The following MAPKAP1 variants were observed in gnomAD, a reference collection of about 807,000 sequenced individuals.
MAPKAP1 encodes the protein target of rapamycin complex 2 subunit MAPKAP1.
Under a neutral mutation model 65.7 loss-of-function variants are expected in MAPKAP1, and 20 were observed. The observed-to-expected ratio is 0.30, with a 90% CI of 0.21 to 0.44. The LOEUF (loss-of-function observed/expected upper bound fraction) is 0.44, where lower values mean the gene tolerates loss of function less well. Among genes scored for constraint, MAPKAP1 ranks in the 20% least tolerant of loss-of-function variants. The pLI is 1.00. For missense variants in MAPKAP1, 423 were observed against 648.0 expected, an observed-to-expected ratio of 0.65 and a Z score of 3.77; for synonymous variants, 222 against 244.3, an observed-to-expected ratio of 0.91 and a Z score of 0.85.
chr9:125,461,679 A>G (rs1035914972), intron 10 of MAPKAP1, among the ~76,000 whole-genome samples: 1 of 152,230 alleles, frequency 6.6e-6, no homozygotes, highest in Non-Finnish European at 1.5e-5. Flanking sequence ...TGGGGCATTA[A>G]TATGTGAGAG....
chr9:125,625,787 T>C (rs569980209), intron 4 of MAPKAP1, among the ~76,000 whole-genome samples: 2 of 152,152 alleles, frequency 1.3e-5, no homozygotes, highest in Non-Finnish European at 2.9e-5. Context: ...AGAGTGAGAC[T>C]CCATCTCAAA....
At chr9:125,472,046 C>T (rs1853944746) in intron 9 of MAPKAP1, 4 of 152,240 alleles carry the variant, frequency 2.6e-5, no homozygotes, top group Admixed American at 1.3e-4. Flanking sequence ...AACAGAAACA[C>T]AGTGAGGTCA....
chr9:125,446,387 C>T (rs1237241427), intron 10 of MAPKAP1, among the ~76,000 whole-genome samples: 1 of 152,134 alleles, frequency 6.6e-6, no homozygotes, highest in Non-Finnish European at 1.5e-5. Flanking sequence ...GTGAGAATTC[C>T]TGACTGGAAG....
intron 4 of MAPKAP1, among the ~76,000 whole-genome samples, chr9:125,613,434 G>A (rs1258847606): frequency 6.6e-6 from 1 of 152,202 alleles, no homozygotes; most frequent in Admixed American, 6.5e-5. Flanking sequence ...AGAATCCAAT[G>A]ATAGGTTAGA....
chr9:125,625,251 TAAATAAAAAAAAAAA>T (rs1247483995), intron 4 of MAPKAP1, among the ~76,000 whole-genome samples: 4 of 10,468 alleles, frequency 3.8e-4, no homozygotes, highest in African/African-American at 9.3e-4. Flanking sequence ...AAAAAATAAA[TAAATAAAAAAAAAAA>T]AAAAAAAAAA....
intron 4 of MAPKAP1, among the ~76,000 whole-genome samples, chr9:125,590,977 T>C (rs980417219): frequency 6.6e-6 from 1 of 152,172 alleles, no homozygotes; most frequent in African/African-American, 2.4e-5. Flanking sequence ...TTTTGCCATG[T>C]TGGCCAGGCT....
chr9:125,508,458 C>T (rs1829208333), intron 7 of MAPKAP1, among the ~76,000 whole-genome samples: 1 of 152,184 alleles, frequency 6.6e-6, no homozygotes, highest in Non-Finnish European at 1.5e-5. Context: ...CTGACTGTTC[C>T]TATCTCCAAA....
At chr9:125,677,493 C>G (rs1321137808) in intron 1 of MAPKAP1, among the ~76,000 whole-genome samples, 1 of 151,950 alleles carries the variant, frequency 6.6e-6, no homozygotes, top group Non-Finnish European at 1.5e-5. Context: ...GTCAGGAGTT[C>G]GAGACTAGCC....
intron 7 of MAPKAP1, among the ~76,000 whole-genome samples, chr9:125,533,702 G>A (rs900782720): frequency 6.6e-6 from 1 of 152,182 alleles, no homozygotes; most frequent in Admixed American, 6.5e-5. Flanking sequence ...GTCTGCCTTA[G>A]CCTCTCAAAG....
intron 8 of MAPKAP1, among the ~76,000 whole-genome samples, chr9:125,496,232 G>A (rs887277848): frequency 3.3e-5 from 5 of 152,112 alleles, no homozygotes; most frequent in African/African-American, 1.2e-4. Flanking sequence ...GGTATGTGGC[G>A]AATAATGTTT....
At position 125,595,697 on chromosome 9, in the gene MAPKAP1, G is replaced by C; in HGVS notation, c.499-9970C>G. The C allele has an allele frequency of 6.4e-7, 1 of 1,555,476 alleles. No individual in the cohort carries two copies. Among genetic ancestry groups the C allele is most frequent in the Non-Finnish European group, 8.7e-7 (1 of 1,155,422 alleles). On this transcript the variant is annotated intron_variant, in intron 4 of 11. Transcript: ENST00000265960. The surrounding 1 kb of genome is among the most constrained non-coding windows in gnomAD (Gnocchi z 4.0). The stretch of plus-strand genomic sequence containing the variant: ...TAAGTCAGAGTCTCCTAAAGAGCCG[G>C]AACAGCTAAGGAATCTCTTCATTGG...
chr9:125,513,545 A>G (rs1365151325), intron 7 of MAPKAP1, among the ~76,000 whole-genome samples: 4 of 152,244 alleles, frequency 2.6e-5, no homozygotes, highest in Non-Finnish European at 5.9e-5. Context: ...CCAGCTATGC[A>G]TCCTTGGGAA....
intron 5 of MAPKAP1, among the ~76,000 whole-genome samples, chr9:125,566,552 A>G (rs1831058446): frequency 6.8e-6 from 1 of 147,490 alleles, no homozygotes; most frequent in Non-Finnish European, 1.5e-5. Flanking sequence ...ACAGAGTGAG[A>G]CACTGTCTTG....
intron 4 of MAPKAP1, chr9:125,650,224 C>T (rs1166398520): frequency 6.6e-6 from 1 of 152,234 alleles, no homozygotes; most frequent in Non-Finnish European, 1.5e-5. Flanking sequence ...TCCTCACAAA[C>T]CCTTCTCAGG....
intron 1 of MAPKAP1, among the ~76,000 whole-genome samples, chr9:125,697,040 C>A (rs1835407677): frequency 1.3e-5 from 2 of 152,172 alleles, no homozygotes; most frequent in Non-Finnish European, 1.5e-5. Flanking sequence ...CCTGTGGCCA[C>A]TGAAGAGGTG....
chr9:125,464,609 T>C (rs1350713551), intron 10 of MAPKAP1, among the ~76,000 whole-genome samples: 1 of 152,192 alleles, frequency 6.6e-6, no homozygotes, highest in Non-Finnish European at 1.5e-5. Flanking sequence ...GTTCAAGTCC[T>C]TAAACACTCA....
chr9:125,654,266 A>G (rs572882962), intron 4 of MAPKAP1, among the ~76,000 whole-genome samples: 1 of 152,204 alleles, frequency 6.6e-6, no homozygotes, highest in South Asian at 2.1e-4. Flanking sequence ...AATTGTCTCA[A>G]CCTCTAGAAT....
chr9:125,603,044 C>G (rs1401016553), intron 4 of MAPKAP1, among the ~76,000 whole-genome samples: 1 of 148,068 alleles, frequency 6.8e-6, no homozygotes, highest in African/African-American at 2.5e-5. Flanking sequence ...ACAGGAACAC[C>G]ACCACACTTG....
intron 6 of MAPKAP1, among the ~76,000 whole-genome samples, chr9:125,551,576 T>C (rs1468702362): frequency 1.3e-5 from 2 of 152,006 alleles, no homozygotes; most frequent in Admixed American, 6.6e-5. Context: ...GGAAAATACA[T>C]ATATATATAG....
Sources: gnomAD v4.1 joint callset for allele counts (sites outside exome capture counted in the v4.1 genomes callset) on GRCh38, gnomAD v4.1.1 for gene constraint, Gnocchi (gnomAD v3.1) non-coding constraint, MANE v1.5 for transcripts, NCBI Gene and HGNC (gene_info 2026-07-23, HGNC 2026-07-21) for gene names.